Variants in MIA2 observed in about 807,000 individuals in gnomAD.
MIA2 encodes the protein melanoma inhibitory activity protein 2.
MIA2 carries 127 observed loss-of-function variants against 167.8 expected under a neutral mutation model. The ratio of observed to expected loss-of-function variants is 0.76; its 90% CI spans 0.66 to 0.88. The LOEUF is 0.88. Among genes scored for constraint, MIA2 ranks in the 40% least tolerant of loss-of-function variants. MIA2 has a pLI of 0.00. For synonymous variants in MIA2, 552 were observed against 541.9 expected (o/e 1.02, Z -0.26); for missense variants, 1,690 against 1,624.7 (o/e 1.04, Z -0.69).
intron 7 of MIA2, 119 bp from the exon 8 acceptor site, chr14:39,279,218 G>A (rs1010225475): frequency 4.5e-6 from 3 of 667,544 alleles, no homozygotes; most frequent in Non-Finnish European, 7.6e-6. Flanking sequence ...CTTTTGGCTT[G>A]TATTTATACA....
chr14:39,242,430 C>T lies in MIA2; in HGVS notation c.336+1783C>T, dbSNP rs188168665. 3.0e-4 allele frequency among the ~76,000 whole-genome samples: 45 copies of T among 151,090 alleles called. No homozygotes were observed. In the East Asian group the frequency reaches 8.3e-3, roughly 28 times the overall value. On this transcript the variant is annotated intron_variant, in intron 3 of 28. Coordinates refer to ENST00000640607, the MANE Select transcript of MIA2 (RefSeq NM_001329214.4). Reference sequence around the variant, plus strand: ...CTCCGCCTCCTGGGTTCAAGTGATTCTCCTGCCTCAGCCTTCCAAGTAGCT... The same window carrying T: ...CTCCGCCTCCTGGGTTCAAGTGATTTTCCTGCCTCAGCCTTCCAAGTAGCT...
intron 9 of MIA2, among the ~76,000 whole-genome samples, chr14:39,286,304 G>A (rs1655363517): frequency 1.3e-5 from 2 of 152,140 alleles, no homozygotes; most frequent in African/African-American, 4.8e-5. Context: ...AACCAGTCAG[G>A]TGTGGTGGCG....
chr14:39,369,424 A>G (rs1309999455), intron 23 of MIA2, among the ~76,000 whole-genome samples: 1 of 152,212 alleles, frequency 6.6e-6, no homozygotes. Context: ...CTATATACAG[A>G]TCTTTAATCT....
At chr14:39,288,459 A>ATTTTTTTTTTTTTTTT (rs1566747774) in intron 9 of MIA2, among the ~76,000 whole-genome samples, 1 of 17,286 alleles carries the variant, frequency 5.8e-5, no homozygotes, top group African/African-American at 1.4e-4. Context: ...ATATATATAT[A>ATTTTTTTTTTTTTTTT]TATATATATA....
At position 39,265,526 on chromosome 14, in the gene MIA2, T is replaced by C. The variant is rs959107664; in HGVS notation, c.1888-11408T>C. On this transcript the variant is annotated intron_variant, in intron 6 of 28. Transcript: ENST00000640607. ...TTTGCTATGGGGGGAACTTGGATTT[T>C]TCTTTTTTTTTCATTTTATCCTCTG... is the stretch of plus-strand genomic sequence containing the variant. 20 of 823,750 alleles carry C rather than the reference T, an allele frequency of 2.4e-5. No individual in the cohort carries two copies. The East Asian group carries it at 5.5e-4, about 22-fold the overall frequency. The allele number at this position is 823,750 out of a possible 1,614,324, so 51.0% of individuals were successfully genotyped here. A position where few individuals can be genotyped will look rare whatever the true frequency, so the allele number is the denominator to read the frequency against.
chr14:39,340,439 C>T (rs2071534999), intron 25 of MIA2, among the ~76,000 whole-genome samples: 1 of 152,140 alleles, frequency 6.6e-6, no homozygotes, highest in Non-Finnish European at 1.5e-5. Flanking sequence ...CCTTGGGAAA[C>T]AAAAGTGTGC....
At chr14:39,265,240 GCACCCCTTTAC>G in intron 6 of MIA2, 1 of 641,776 alleles carries the variant, frequency 1.6e-6, no homozygotes. Context: ...TCCACCTGTA[GCACCCCTTTAC>G]CACACAAATG....
chr14:39,322,027 T>G (rs1053620268), intron 24 of MIA2, among the ~76,000 whole-genome samples: 2 of 152,188 alleles, frequency 1.3e-5, no homozygotes, highest in African/African-American at 4.8e-5. Flanking sequence ...TCCACCCGCC[T>G]CAGCCTCCCA....
chr14:39,327,977 A>G (rs537036384), intron 25 of MIA2, among the ~76,000 whole-genome samples: 26 of 152,338 alleles, frequency 1.7e-4, no homozygotes, highest in Admixed American at 7.2e-4. Flanking sequence ...TCCTTTGGGT[A>G]TATACCCAGT....
Position 39,247,626 on chromosome 14 carries a change from C to A in MIA2, c.1052C>A (p.Ala351Asp), listed in dbSNP as rs142210112. ...AATTCCATATCATCTGATAAAGAAG[C>A]CACAGTTCCATGTACAGAAATATTA... is the stretch of plus-strand genomic sequence containing the variant. ...FPNSISSDKE[A>D]TVPCTEILTE... Residue 351 changes from alanine (A) to aspartate (D), a missense_variant, in exon 4 of 29, where the codon GCC (alanine) becomes GAC (aspartate). Ala to Asp is a moderately radical substitution (Grantham distance 126, BLOSUM62 -2). Coordinates refer to ENST00000640607, the MANE Select transcript of MIA2 (RefSeq NM_001329214.4). The A allele has an allele frequency of 9.9e-6, 16 of 1,613,492 alleles. No individual in the cohort carries two copies. Among genetic ancestry groups the A allele is most frequent in the Admixed American group, 6.7e-5 (4 of 59,884 alleles).
chr14:39,263,633 C>CT (rs35948974), intron 6 of MIA2, among the ~76,000 whole-genome samples: 16,510 of 130,792 alleles, frequency 0.13, 1,901 homozygotes, highest in African/African-American at 0.3. Context: ...CTCTCTCTCT[C>CT]TTTTTTTTTT....
intron 25 of MIA2, among the ~76,000 whole-genome samples, chr14:39,342,542 G>T (rs1454806256): frequency 3.3e-5 from 5 of 152,100 alleles, no homozygotes; most frequent in African/African-American, 9.7e-5. Flanking sequence ...TGGGATGGCT[G>T]GATCAAATGG....
At chr14:39,339,455 G>T (rs1259433070) in intron 25 of MIA2, among the ~76,000 whole-genome samples, 1 of 152,080 alleles carries the variant, frequency 6.6e-6, no homozygotes, top group Non-Finnish European at 1.5e-5. Flanking sequence ...ACAAGGAGAA[G>T]GAATTAAAAT....
downstream of MIA2, among the ~76,000 whole-genome samples, chr14:39,353,188 T>C (rs1567043532): frequency 6.6e-6 from 1 of 152,236 alleles, no homozygotes; most frequent in Admixed American, 6.5e-5. Flanking sequence ...TTTCTGTACA[T>C]ATGATTATCA....
intron 23 of MIA2, among the ~76,000 whole-genome samples, chr14:39,360,821 A>G (rs935437520): frequency 4.6e-5 from 7 of 152,004 alleles, no homozygotes; most frequent in African/African-American, 1.7e-4. Context: ...ATCCATCTTG[A>G]GTTTAATCCA....
intron 23 of MIA2, among the ~76,000 whole-genome samples, chr14:39,380,954 CTA>C (rs2075146704): frequency 6.6e-6 from 1 of 150,408 alleles, no homozygotes; most frequent in South Asian, 2.1e-4. Context: ...CTGTAAGTCT[CTA>C]AACTATGTCC....
intron 2 of MIA2, among the ~76,000 whole-genome samples, chr14:39,238,019 C>T (rs2053840218): frequency 6.6e-6 from 1 of 152,014 alleles, no homozygotes; most frequent in African/African-American, 2.4e-5. Flanking sequence ...GGATTACAGG[C>T]GTGAGCCACT....
intron 27 of MIA2, 117 bp from the exon 28 acceptor site, chr14:39,348,626 T>C: frequency 7.1e-7 from 1 of 1,417,534 alleles, no homozygotes; most frequent in South Asian, 1.2e-5. Flanking sequence ...CTCTAGAGCT[T>C]TCTAAGACTA....
chr14:39,289,285 A>G (rs950912199), intron 9 of MIA2, among the ~76,000 whole-genome samples: 2 of 151,134 alleles, frequency 1.3e-5, no homozygotes, highest in Admixed American at 1.3e-4. Context: ...CATGATCTCG[A>G]CTCACTGCAA....
Sources: allele counts gnomAD v4.1 joint callset (sites outside exome capture counted in the v4.1 genomes callset), GRCh38; gene constraint gnomAD v4.1.1; transcripts MANE v1.5; gene names NCBI Gene and HGNC (gene_info 2026-07-23, HGNC 2026-07-21).